Variants in ADAM18 observed in about 807,000 individuals in gnomAD.
ADAM18 encodes disintegrin and metalloproteinase domain-containing protein 18.
A neutral mutation model predicts 94.4 loss-of-function variants in ADAM18; 117 were observed. The observed-to-expected ratio is 1.24, with a 90% CI of 1.07 to 1.45. ADAM18 has a LOEUF of 1.45. Ranked by LOEUF, ADAM18 falls within the 40% of genes most tolerant of loss-of-function variation. The pLI, the probability that ADAM18 is intolerant of heterozygous loss-of-function variation, is 0.00. For missense variants in ADAM18, 936 were observed against 880.0 expected (o/e 1.06, Z -0.81); for synonymous variants, 327 against 291.6 (o/e 1.12, Z -1.24).
At chr8:39,609,886 A>G (rs1291900166) in intron 5 of ADAM18, among the ~76,000 whole-genome samples, 1 of 152,152 alleles carries the variant, frequency 6.6e-6, no homozygotes, top group African/African-American at 2.4e-5. Flanking sequence ...TTATATAAAT[A>G]TAATAGGAAA....
chr8:39,628,377 C>T (rs1284291157), intron 6 of ADAM18, among the ~76,000 whole-genome samples: 1 of 150,988 alleles, frequency 6.6e-6, no homozygotes, highest in African/African-American at 2.4e-5. Flanking sequence ...AGATGATAGA[C>T]TGATAGATTT....
chr8:39,605,907 C>T (rs1343561374), intron 2 of ADAM18: 3 of 175,498 alleles, frequency 1.7e-5, no homozygotes, highest in Non-Finnish European at 2.4e-5. Context: ...CATTCTTATG[C>T]CTTTGCATCC....
intron 16 of ADAM18, among the ~76,000 whole-genome samples, chr8:39,682,537 T>G (rs1821493036): frequency 6.6e-6 from 1 of 151,964 alleles, no homozygotes; most frequent in African/African-American, 2.4e-5. Context: ...CCAAGAGAGA[T>G]TTTTCACAGA....
At chr8:39,615,452 G>GT (rs1263854146) in intron 6 of ADAM18, among the ~76,000 whole-genome samples, 1 of 152,166 alleles carries the variant, frequency 6.6e-6, no homozygotes, top group Non-Finnish European at 1.5e-5. Flanking sequence ...GTAGCAGGTT[G>GT]TTTAACAAAA....
intron 17 of ADAM18, among the ~76,000 whole-genome samples, chr8:39,698,966 T>C (rs930996063): frequency 6.6e-6 from 1 of 152,046 alleles, no homozygotes; most frequent in Non-Finnish European, 1.5e-5. Flanking sequence ...AGCTTAAGAA[T>C]ATGGAAAATG....
chr8:39,586,378 TAG>T (rs1347508763), intron 2 of ADAM18, among the ~76,000 whole-genome samples: 2 of 152,226 alleles, frequency 1.3e-5, no homozygotes, highest in African/African-American at 4.8e-5. Flanking sequence ...TGTTAGCATG[TAG>T]AGTCTAATCT....
chr8:39,728,826 T>A (rs2129582067), intron 19 of ADAM18, among the ~76,000 whole-genome samples: 1 of 152,328 alleles, frequency 6.6e-6, no homozygotes, highest in Admixed American at 6.5e-5. Context: ...TGTTTTTAAA[T>A]ATTGCATGAA....
At chr8:39,723,665 A>T (rs574501012) in intron 18 of ADAM18, 83 bp from the exon 19 acceptor site, 1 of 1,002,990 alleles carries the variant, frequency 1.0e-6, no homozygotes, top group African/African-American at 1.7e-5. Flanking sequence ...TTATATATAC[A>T]CGTATATGAT....
At chr8:39,595,783 C>G (rs1364975251) in intron 2 of ADAM18, among the ~76,000 whole-genome samples, 3 of 152,192 alleles carry the variant, frequency 2.0e-5, no homozygotes, top group African/African-American at 7.2e-5. Flanking sequence ...CTCGGCCTCC[C>G]AAAGTGCTGG....
intron 18 of ADAM18, 40 bp downstream of exon 18, chr8:39,706,944 G>A (rs771780852): frequency 1.3e-5 from 16 of 1,197,284 alleles, no homozygotes; most frequent in Non-Finnish European, 2.0e-5. Flanking sequence ...ATAGAAGGTT[G>A]TTTTATATAA....
chr8:39,672,458 G>A (rs1821182263), intron 14 of ADAM18, among the ~76,000 whole-genome samples: 4 of 152,198 alleles, frequency 2.6e-5, no homozygotes, highest in Admixed American at 2.0e-4. Flanking sequence ...TCCCTACCAA[G>A]TGTCAGGGAG....
At chr8:39,680,281 A>C in intron 16 of ADAM18, 55 bp downstream of exon 16, 1 of 1,473,594 alleles carries the variant, frequency 6.8e-7, no homozygotes, top group South Asian at 1.2e-5. Flanking sequence ...GAATTATCAG[A>C]TACTGCATTC....
intron 18 of ADAM18, among the ~76,000 whole-genome samples, chr8:39,707,391 C>A (rs1822269105): frequency 6.6e-6 from 1 of 152,180 alleles, no homozygotes; most frequent in Admixed American, 6.5e-5. Context: ...AGTATTTCTA[C>A]AGGTTCAAAT....
intron 17 of ADAM18, among the ~76,000 whole-genome samples, chr8:39,699,735 G>A (rs1487757236): frequency 1.3e-5 from 2 of 152,130 alleles, no homozygotes; most frequent in Non-Finnish European, 2.9e-5. Context: ...CAGGTGATGA[G>A]GTTGTAGAGT....
intron 13 of ADAM18, among the ~76,000 whole-genome samples, chr8:39,666,859 A>G (rs546285493): frequency 6.6e-6 from 1 of 152,288 alleles, no homozygotes; most frequent in South Asian, 2.1e-4. Context: ...GCCAAACCGT[A>G]TGAAGTATTA....
chr8:39,649,167 C>T (rs1195535716), intron 12 of ADAM18, among the ~76,000 whole-genome samples: 1 of 151,952 alleles, frequency 6.6e-6, no homozygotes, highest in Admixed American at 6.6e-5. Flanking sequence ...GATTTATCCC[C>T]CAACAGTTAC....
chr8:39,703,259 A>G (rs1412076406), intron 17 of ADAM18, among the ~76,000 whole-genome samples: 1 of 152,100 alleles, frequency 6.6e-6, no homozygotes, highest in Non-Finnish European at 1.5e-5. Context: ...ATGGGACTTC[A>G]TTAGCGATTT....
chr8:39,684,813 G>C (rs759526877), intron 16 of ADAM18, among the ~76,000 whole-genome samples: 11 of 152,140 alleles, frequency 7.2e-5, no homozygotes, highest in Non-Finnish European at 1.0e-4. Context: ...AGACAGCCCG[G>C]TGCCTCATTT....
intron 16 of ADAM18, among the ~76,000 whole-genome samples, chr8:39,686,310 A>G (rs1389585832): frequency 6.6e-6 from 1 of 152,184 alleles, no homozygotes; most frequent in Non-Finnish European, 1.5e-5. Flanking sequence ...AACAAAAGGA[A>G]CGTACTGCTT....
Sources: allele counts gnomAD v4.1 joint callset (sites outside exome capture counted in the v4.1 genomes callset), GRCh38; gene constraint gnomAD v4.1.1; transcripts MANE v1.5; gene names NCBI Gene and HGNC (gene_info 2026-07-23, HGNC 2026-07-21).